CHRNA4: variants seen among roughly 807,000 people sequenced by gnomAD.
CHRNA4 encodes neuronal acetylcholine receptor subunit alpha-4.
CHRNA4 carries 28 observed loss-of-function variants against 48.9 expected under a neutral mutation model. The observed-to-expected ratio is 0.57, with a 90% CI of 0.42 to 0.79. CHRNA4 has a LOEUF of 0.79. Ranked by LOEUF, CHRNA4 falls within the 30% of genes least tolerant of loss-of-function variation. CHRNA4 has a pLI of 0.00. For missense variants in CHRNA4, 859 were observed against 898.4 expected (o/e 0.96, Z 0.56); for synonymous variants, 425 against 402.3 (o/e 1.06, Z -0.68).
rs377273964 is a variant in CHRNA4, at chr20:63,350,181, G to A, written c.1230C>T (p.Val410=). The A allele has an allele frequency of 6.3e-7, 1 of 1,592,750 alleles. No homozygotes were observed. Among genetic ancestry groups the A allele is most frequent in the Non-Finnish European group, 8.6e-7 (1 of 1,168,228 alleles). Residue 410 remains valine, a synonymous_variant, in exon 5 of 6, where the codon GTC becomes GTT. Coordinates refer to ENST00000370263, the MANE Select transcript of CHRNA4 (RefSeq NM_000744.7). ...SLHPPSPSFC[V]PLDVPAEPGP... ...CAGGCTCAGCCGGCACATCCAGGGG[G>A]ACACAGAAGGACGGTGAGGGCGGGT...
chr20:63,347,140 C>T (rs577906101), intron 5 of CHRNA4, among the ~76,000 whole-genome samples: 1 of 152,324 alleles, frequency 6.6e-6, no homozygotes, highest in Admixed American at 6.5e-5. Flanking sequence ...CTTGTGGAGA[C>T]AAGCTCTGCA....
chr20:63,361,210 C>T lies in CHRNA4; in HGVS notation c.-45G>A. The T allele has an allele frequency of 2.1e-6, 3 of 1,451,028 alleles. No homozygotes were observed. The highest frequency in any genetic ancestry group is 3.0e-5 in the East Asian group (1 of 33,146). 89.9% of individuals were successfully genotyped at this position (1,451,028 alleles called of 1,614,324 possible). A position where few individuals can be genotyped will look rare whatever the true frequency, so the allele number is the denominator to read the frequency against. Reference sequence around the variant, plus strand: ...CTCTAGATGCGGGCGGCTCCCGGCTCCCCGCCGCTTCGAGGCCCGTGCGCG... The same window carrying T: ...CTCTAGATGCGGGCGGCTCCCGGCTTCCCGCCGCTTCGAGGCCCGTGCGCG... On this transcript the variant is annotated 5_prime_UTR_variant, in exon 1 of 6. Coordinates refer to ENST00000370263, the MANE Select transcript of CHRNA4 (RefSeq NM_000744.7).
rs398040812 is a variant in CHRNA4 at position 63,344,494 on chromosome 20, C to CAAA, written c.*2241_*2243dup. 3.4e-5 allele frequency: 14 copies of CAAA among 416,328 alleles called. No homozygotes were observed. The highest frequency in any genetic ancestry group is 1.8e-4 in the Admixed American group (7 of 38,256). The allele number at this position is 416,328 out of a possible 1,614,324, so 25.8% of individuals were successfully genotyped here. On this transcript the variant is annotated 3_prime_UTR_variant, in exon 6 of 6. Coordinates refer to ENST00000370263, the MANE Select transcript of CHRNA4 (RefSeq NM_000744.7). This position sits in a 1 kb window ranked among gnomAD's most constrained non-coding sequence, Gnocchi z 4.5. ...TTATTTGGATTTTTTTTTTGAGCCT[C>CAAA]AAAAAAAAAAAGAAAGGGAAAGGGG...
Position 63,343,230 on chromosome 20 carries a change from G to T in CHRNA4, c.*3508C>A. On this transcript the variant is annotated 3_prime_UTR_variant, in exon 6 of 6. Transcript: ENST00000370263. ...TGCAAAGCACGGCACACGTGGTGACGGTGCGTTTTATTCATTGAAGTCTGT... is the reference window on the plus strand; with the variant it reads ...TGCAAAGCACGGCACACGTGGTGACTGTGCGTTTTATTCATTGAAGTCTGT... The T allele has an allele frequency of 2.6e-6, 1 of 389,788 alleles. No individual in the cohort carries two copies. Among genetic ancestry groups the T allele is most frequent in the Admixed American group, 2.9e-5 (1 of 34,984 alleles). The allele number at this position is 389,788 out of a possible 1,614,324, so 24.1% of individuals were successfully genotyped here.
intron 2 of CHRNA4, among the ~76,000 whole-genome samples, chr20:63,357,260 A>G (rs1163357099): frequency 1.4e-5 from 2 of 145,978 alleles, no homozygotes; most frequent in African/African-American, 5.0e-5. Flanking sequence ...CCCACAGACC[A>G]TGTCTCCGTG....
rs1291560360 is a variant in CHRNA4 at position 63,345,827 on chromosome 20, C to T, written c.*911G>A. 2.2e-6 allele frequency: 1 copy of T among 449,160 alleles called. No individual in the cohort carries two copies. Among genetic ancestry groups the T allele is most frequent in the Non-Finnish European group, 4.5e-6 (1 of 223,148 alleles). The allele number at this position is 449,160 out of a possible 1,614,324, so 27.8% of individuals were successfully genotyped here. ...GGAAACCCTCAGGGTCCTGGGGGAA[C>T]CAGGGCCCAGGTCTGGACTCCATTC... is the stretch of plus-strand genomic sequence containing the variant. On this transcript the variant is annotated 3_prime_UTR_variant, in exon 6 of 6. Coordinates refer to ENST00000370263, the MANE Select transcript of CHRNA4 (RefSeq NM_000744.7). This position sits in a 1 kb window ranked among gnomAD's most constrained non-coding sequence, Gnocchi z 5.4.
At chr20:63,356,524 TG>T (rs1039372451) in intron 2 of CHRNA4, 109 bp from the exon 3 acceptor site, 1 of 1,211,032 alleles carries the variant, frequency 8.3e-7, no homozygotes, top group African/African-American at 1.5e-5. Context: ...GGGCAAGATA[TG>T]GTGGACGGGC....
rs1568801883 is a variant in CHRNA4 at position 63,344,493 on chromosome 20, T to G, written c.*2245A>C. On this transcript the variant is annotated 3_prime_UTR_variant, in exon 6 of 6. Transcript: ENST00000370263. The surrounding 1 kb of genome is among the most constrained non-coding windows in gnomAD (Gnocchi z 4.5). ...TTTATTTGGATTTTTTTTTTGAGCCTCAAAAAAAAAAAGAAAGGGAAAGGG... is the reference window on the plus strand; with the variant it reads ...TTTATTTGGATTTTTTTTTTGAGCCGCAAAAAAAAAAAGAAAGGGAAAGGG... 1.5e-5 allele frequency: 6 copies of G among 411,540 alleles called. No individual in the cohort carries two copies. The highest frequency in any genetic ancestry group is 5.5e-5 in the Admixed American group (2 of 36,408). The allele number at this position is 411,540 out of a possible 1,614,324, so 25.5% of individuals were successfully genotyped here. A position where few individuals can be genotyped will look rare whatever the true frequency, so the allele number is the denominator to read the frequency against.
Position 63,345,507 on chromosome 20 carries a change from G to T in CHRNA4, c.*1231C>A, listed in dbSNP as rs2123461336. On this transcript the variant is annotated 3_prime_UTR_variant, in exon 6 of 6. Transcript: ENST00000370263. The surrounding 1 kb of genome is among the most constrained non-coding windows in gnomAD (Gnocchi z 5.4). ...AGGGGGTGCACTGCCGGGCTCCAGG[G>T]TCATGCCTGGAAACATTTCAGGCCT... The T allele has an allele frequency of 2.5e-6, 1 of 401,466 alleles. No homozygotes were observed. The highest frequency in any genetic ancestry group is 5.1e-6 in the Non-Finnish European group (1 of 195,098). 24.9% of individuals were successfully genotyped at this position (401,466 alleles called of 1,614,324 possible).
intron 4 of CHRNA4, among the ~76,000 whole-genome samples, chr20:63,353,278 C>T (rs1446509957): frequency 6.6e-6 from 1 of 152,220 alleles, no homozygotes; most frequent in Non-Finnish European, 1.5e-5. Context: ...AGACCCAGCA[C>T]CAGCGGCCAC....
chr20:63,357,361 G>A (rs111324882), intron 2 of CHRNA4, among the ~76,000 whole-genome samples: 2,743 of 152,254 alleles, frequency 0.018, 91 homozygotes, highest in African/African-American at 0.063. Flanking sequence ...CCAGCTTCAC[G>A]TGGCCAGGCC....
At chr20:63,354,167 CCTGTGGTCCTGGGGGG>C (rs1477272333) in intron 4 of CHRNA4, among the ~76,000 whole-genome samples, 104 of 74,820 alleles carry the variant, frequency 1.4e-3, no homozygotes, top group Admixed American at 1.7e-3. Context: ...GTCCTGGGGG[CCTGTGGTCCTGGGGGG>C]CTGTGGTCCT....
intron 5 of CHRNA4, among the ~76,000 whole-genome samples, chr20:63,349,188 G>A (rs1345150577): frequency 6.6e-6 from 1 of 152,104 alleles, no homozygotes; most frequent in Non-Finnish European, 1.5e-5. Flanking sequence ...TCTTCTCTGA[G>A]CCCCCTACAT....
At position 63,361,081 on chromosome 20, in the gene CHRNA4, G is replaced by C; in HGVS notation, c.76+9C>G. The C allele has an allele frequency of 6.9e-7, 1 of 1,457,486 alleles. No individual in the cohort carries two copies. Among genetic ancestry groups the C allele is most frequent in the South Asian group, 1.3e-5 (1 of 75,584 alleles). The allele number at this position is 1,457,486 out of a possible 1,614,324, so 90.3% of individuals were successfully genotyped here. A position where few individuals can be genotyped will look rare whatever the true frequency, so the allele number is the denominator to read the frequency against. On this transcript the variant is annotated intron_variant, in intron 1 of 5. Coordinates refer to ENST00000370263, the MANE Select transcript of CHRNA4 (RefSeq NM_000744.7). Reference sequence around the variant, plus strand: ...CGAAAGGGGGCCCATCCCGCGCCCCGTAACTTACCGCGCAGGAGGCCGGTC... The same window carrying C: ...CGAAAGGGGGCCCATCCCGCGCCCCCTAACTTACCGCGCAGGAGGCCGGTC...
chr20:63,360,610 G>A (rs773995877), intron 1 of CHRNA4, among the ~76,000 whole-genome samples: 30 of 152,246 alleles, frequency 2.0e-4, no homozygotes, highest in Non-Finnish European at 1.2e-4. Context: ...TACACCCCTG[G>A]GAGCCTTGAC....
intron 4 of CHRNA4, among the ~76,000 whole-genome samples, chr20:63,354,986 G>A (rs2068696260): frequency 6.6e-6 from 1 of 152,214 alleles, no homozygotes. Flanking sequence ...GTTGGAAGAG[G>A]AGCCCAATCG....
chr20:63,359,924 TG>T, intron 1 of CHRNA4: 1 of 386,866 alleles, frequency 2.6e-6, no homozygotes, highest in Non-Finnish European at 4.6e-6. Flanking sequence ...TGTGTGTGTG[TG>T]TGTGCCGGGC....
In CHRNA4 at chr20:63,344,547, G is replaced by A. The variant is rs201679758; in HGVS notation, c.*2191C>T. 6.1e-4 allele frequency: 275 copies of A among 451,030 alleles called. 1 individual carries two copies. Among genetic ancestry groups the A allele is most frequent in the African/African-American group, 5.0e-3 (245 of 49,206 alleles). The allele number at this position is 451,030 out of a possible 1,614,324, so 27.9% of individuals were successfully genotyped here. On this transcript the variant is annotated 3_prime_UTR_variant, in exon 6 of 6. Coordinates refer to ENST00000370263, the MANE Select transcript of CHRNA4 (RefSeq NM_000744.7). This position sits in a 1 kb window ranked among gnomAD's most constrained non-coding sequence, Gnocchi z 4.5. ...TTCCCCCAGGCAAGCGGCCACCCCC[G>A]GCAGGAGGGTCCCCCGGCAGGAGCG...
At chr20:63,358,265 G>A (rs1162648562) in intron 2 of CHRNA4, among the ~76,000 whole-genome samples, 11 of 152,186 alleles carry the variant, frequency 7.2e-5, no homozygotes, top group African/African-American at 2.7e-4. Flanking sequence ...TGAGCAGCCT[G>A]TCCGCGGGAA....
Sources: allele counts gnomAD v4.1 joint callset (sites outside exome capture counted in the v4.1 genomes callset), GRCh38; gene constraint gnomAD v4.1.1; non-coding constraint Gnocchi (gnomAD v3.1); transcripts MANE v1.5; gene names NCBI Gene and HGNC (gene_info 2026-07-23, HGNC 2026-07-21).